DZIP3: variants seen among roughly 807,000 people sequenced by gnomAD.
The protein encoded by DZIP3 is DAZ interacting zinc finger protein 3.
In DZIP3, 118 loss-of-function variants were observed where a neutral mutation model predicts 162.0. The observed-to-expected ratio is 0.73, with a 90% CI of 0.63 to 0.85. The LOEUF (loss-of-function observed/expected upper bound fraction) is 0.85. DZIP3 is among the 40% of genes least tolerant of loss of function. The pLI, the probability that DZIP3 is intolerant of heterozygous loss-of-function variation, is 0.00. For missense variants in DZIP3, 1,331 were observed against 1,407.0 expected (o/e 0.95, Z 0.86); for synonymous variants, 438 against 458.6 (o/e 0.96, Z 0.57).
intron 8 of DZIP3, among the ~76,000 whole-genome samples, chr3:108,631,216 T>G (rs577518994): frequency 6.6e-6 from 1 of 152,000 alleles, no homozygotes; most frequent in Admixed American, 6.6e-5. Flanking sequence ...ACTCAAGTTT[T>G]CCTTCCTAGG....
At chr3:108,593,040 A>C (rs1360528864) in intron 1 of DZIP3, among the ~76,000 whole-genome samples, 1 of 151,950 alleles carries the variant, frequency 6.6e-6, no homozygotes, top group Non-Finnish European at 1.5e-5. Flanking sequence ...GATATTCATC[A>C]TGTTTAAGAG....
chr3:108,621,541 A>G (rs1340612467), intron 5 of DZIP3, among the ~76,000 whole-genome samples: 1 of 152,218 alleles, frequency 6.6e-6, no homozygotes, highest in East Asian at 1.9e-4. Flanking sequence ...GTATTTTTGT[A>G]GAGATGGTGT....
intron 18 of DZIP3, 39 bp downstream of exon 18, chr3:108,651,201 T>A (rs766940460): frequency 3.0e-6 from 2 of 670,874 alleles, no homozygotes; most frequent in South Asian, 2.8e-5. Flanking sequence ...TTTTTCTTAG[T>A]ATTTTTAAGG....
At chr3:108,603,058 CTT>C (rs1426772148) in intron 1 of DZIP3, 1 of 152,154 alleles carries the variant, frequency 6.6e-6, no homozygotes, top group Non-Finnish European at 1.5e-5. Context: ...TCTGTCCTCT[CTT>C]ATCTCATCAC....
chr3:108,687,982 A>T lies in DZIP3; in HGVS notation c.3156A>T (p.Glu1052Asp), dbSNP rs78216842. 28 of 1,613,398 alleles carry T rather than the reference A, an allele frequency of 1.7e-5. No homozygotes were observed. The highest frequency in any genetic ancestry group is 2.4e-5 in the Non-Finnish European group (28 of 1,179,770). Residue 1052 changes from glutamate to aspartate, a missense_variant, in exon 29 of 33, where the codon GAA (glutamate) becomes GAT (aspartate). By Grantham distance (45) the Glu-to-Asp change is conservative. Around this residue, in one of 2 missense-constraint regions of DZIP3, gnomAD observed 1,278 missense variants for 1,317.1 expected, o/e 0.97. Coordinates refer to ENST00000361582, the MANE Select transcript of DZIP3 (RefSeq NM_014648.4). The stretch of plus-strand genomic sequence containing the variant: ...TTTCCTTGATCTCTTGCAGAAAGGA[A>T]CTTACAGATTTCTTACGGAAATTGA... ...KTAFPQQTRK[E>D]LTDFLRKLKD... is the part of the protein sequence containing the mutation.
intron 19 of DZIP3, among the ~76,000 whole-genome samples, chr3:108,658,681 A>T (rs1244055095): frequency 6.6e-6 from 1 of 152,130 alleles, no homozygotes; most frequent in African/African-American, 2.4e-5. Flanking sequence ...AAAACCCTTC[A>T]AAAAATCAAT....
chr3:108,600,049 A>G (rs1373563442), intron 1 of DZIP3, among the ~76,000 whole-genome samples: 1 of 152,236 alleles, frequency 6.6e-6, no homozygotes, highest in Non-Finnish European at 1.5e-5. Context: ...AGGAACTCCT[A>G]TCACAAAATG....
intron 7 of DZIP3, among the ~76,000 whole-genome samples, chr3:108,627,365 A>C (rs1576379774): frequency 6.6e-6 from 1 of 152,188 alleles, no homozygotes; most frequent in East Asian, 1.9e-4. Context: ...TGAGCTCCTC[A>C]AAGACACTGG....
At chr3:108,632,366 A>C (rs1471432219) in intron 8 of DZIP3, among the ~76,000 whole-genome samples, 1 of 152,136 alleles carries the variant, frequency 6.6e-6, no homozygotes, top group Non-Finnish European at 1.5e-5. Flanking sequence ...TGACCTCCCA[A>C]AGCACCATGA....
intron 25 of DZIP3, 33 bp downstream of exon 25, chr3:108,675,906 C>T: frequency 2.5e-6 from 4 of 1,578,710 alleles, no homozygotes; most frequent in Non-Finnish European, 3.5e-6. Flanking sequence ...AGAAAATTGG[C>T]TTAATGTTAT....
At chr3:108,659,583 A>G (rs1178468639) in intron 19 of DZIP3, among the ~76,000 whole-genome samples, 3 of 151,862 alleles carry the variant, frequency 2.0e-5, no homozygotes, top group African/African-American at 7.2e-5. Context: ...GGCACAAGAC[A>G]GGGATGCCCT....
At chr3:108,597,785 CT>C (rs200491098) in intron 1 of DZIP3, among the ~76,000 whole-genome samples, 1,957 of 152,080 alleles carry the variant, frequency 0.013, 54 homozygotes, top group African/African-American at 0.044. Context: ...TTATCTTATT[CT>C]TTTTTTATGT....
At chr3:108,687,478 T>G (rs1007545715) in intron 28 of DZIP3, among the ~76,000 whole-genome samples, 2 of 152,158 alleles carry the variant, frequency 1.3e-5, no homozygotes, top group Non-Finnish European at 2.9e-5. Flanking sequence ...ATTATATAAT[T>G]AATGTGATTT....
intron 19 of DZIP3, 51 bp from the exon 20 acceptor site, chr3:108,661,825 TA>T: frequency 6.7e-7 from 1 of 1,492,778 alleles, no homozygotes; most frequent in African/African-American, 1.4e-5. Context: ...TTCAAATAAC[TA>T]AAATTTTTTT....
chr3:108,659,620 G>T (rs1445832625), intron 19 of DZIP3, among the ~76,000 whole-genome samples: 1 of 151,926 alleles, frequency 6.6e-6, no homozygotes, highest in African/African-American at 2.4e-5. Context: ...TCAACATAGT[G>T]TTGGAAGTTC....
chr3:108,688,462 T>G, intron 29 of DZIP3, 131 bp from the exon 30 acceptor site: 1 of 1,052,370 alleles, frequency 9.5e-7, no homozygotes, highest in Non-Finnish European at 1.4e-6. Context: ...ACCATTTTGT[T>G]CAAGATTTCT....
chr3:108,619,710 T>C (rs1225266754), intron 5 of DZIP3, among the ~76,000 whole-genome samples: 1 of 152,072 alleles, frequency 6.6e-6, no homozygotes, highest in Non-Finnish European at 1.5e-5. Context: ...AGTCTACCAT[T>C]TCAAAGGCAA....
chr3:108,593,561 T>A (rs900676353), intron 1 of DZIP3, among the ~76,000 whole-genome samples: 1 of 152,126 alleles, frequency 6.6e-6, no homozygotes, highest in Non-Finnish European at 1.5e-5. Flanking sequence ...ATAATAAGAA[T>A]CATAGAAATT....
intron 4 of DZIP3, among the ~76,000 whole-genome samples, chr3:108,613,277 T>G (rs56933567): frequency 6.6e-6 from 1 of 152,230 alleles, no homozygotes; most frequent in African/African-American, 2.4e-5. Flanking sequence ...TGTCGCTAAA[T>G]GCTAAGTCTA....
Sources: gnomAD v4.1 joint callset for allele counts (sites outside exome capture counted in the v4.1 genomes callset) on GRCh38, gnomAD v4.1.1 for gene constraint, gnomAD v4.1.1 regional missense constraint, MANE v1.5 for transcripts, NCBI Gene and HGNC (gene_info 2026-07-23, HGNC 2026-07-21) for gene names.